The following PLD1 variants were observed in gnomAD, a reference collection of about 807,000 sequenced individuals.
PLD1 encodes phospholipase D1, also known as choline phosphatase 1.
In PLD1, 112 loss-of-function variants were observed where a neutral mutation model predicts 137.1. The ratio of observed to expected loss-of-function variants is 0.82; its 90% CI spans 0.70 to 0.96. The LOEUF is 0.96. Ranked by LOEUF, PLD1 falls within the 40% of genes least tolerant of loss-of-function variation. PLD1 has a pLI of 0.00. For synonymous variants in PLD1, 431 were observed against 454.7 expected (o/e 0.95, Z 0.66); for missense variants, 1,321 against 1,342.0 (o/e 0.98, Z 0.24).
chr3:171,681,127 GT>G (rs991393134), intron 16 of PLD1, among the ~76,000 whole-genome samples: 3 of 152,166 alleles, frequency 2.0e-5, no homozygotes, highest in Non-Finnish European at 4.4e-5. Flanking sequence ...CAATTCAAAT[GT>G]TTTTTCATAG....
chr3:171,640,173 A>G (rs1046579112), intron 23 of PLD1, among the ~76,000 whole-genome samples: 2 of 150,434 alleles, frequency 1.3e-5, no homozygotes, highest in Non-Finnish European at 3.0e-5. Context: ...TTCCCCTCCA[A>G]TCTCTGTTAT....
At chr3:171,805,639 A>G (rs761830117) in intron 1 of PLD1, among the ~76,000 whole-genome samples, 5 of 152,226 alleles carry the variant, frequency 3.3e-5, no homozygotes, top group Admixed American at 6.5e-5. Flanking sequence ...TTTCCGAAAA[A>G]TAAAGGACTT....
intron 21 of PLD1, among the ~76,000 whole-genome samples, chr3:171,650,919 T>C (rs1413749124): frequency 1.3e-5 from 2 of 152,000 alleles, no homozygotes; most frequent in Non-Finnish European, 2.9e-5. Context: ...AAAAAATTAA[T>C]TTTAAAATTT....
At chr3:171,611,449 C>T in intron 25 of PLD1, 1 of 367,158 alleles carries the variant, frequency 2.7e-6, no homozygotes, top group South Asian at 2.1e-5. Context: ...GGGACGTGGA[C>T]AGTTACAGCG....
At position 171,623,312 on chromosome 3, in the gene PLD1, A is replaced by ATTTTTTTTTTTTTTTTTTTTTTT. The variant is rs760981558; in HGVS notation, c.2594-2793_2594-2792insAAAAAAAAAAAAAAAAAAAAAAA. Among the ~76,000 whole-genome samples the ATTTTTTTTTTTTTTTTTTTTTTT allele has an allele frequency of 1.4e-5, 2 of 138,964 alleles. 1 individual carries two copies. 91.2% of individuals were successfully genotyped at this position (138,964 alleles called of 152,430 possible). The stretch of plus-strand genomic sequence containing the variant: ...AGCTATGAGTCATTAGCCCTATCAG[A>ATTTTTTTTTTTTTTTTTTTTTTT]CTTTTTTTTTTTTTTTTTTTGAGAT... On this transcript the variant is annotated intron_variant, in intron 23 of 26. Transcript: ENST00000351298.
intron 19 of PLD1, 139 bp downstream of exon 19, chr3:171,674,360 AG>A (rs1713109347): frequency 6.5e-6 from 3 of 461,768 alleles, no homozygotes; most frequent in African/African-American, 4.0e-5. Flanking sequence ...TATAATAACA[AG>A]TATTAAAAGA....
chr3:171,790,464 C>T (rs952125601), intron 1 of PLD1, among the ~76,000 whole-genome samples: 4 of 152,228 alleles, frequency 2.6e-5, no homozygotes, highest in Non-Finnish European at 5.9e-5. Flanking sequence ...TAAAGAATCT[C>T]ACTCTTGTAC....
rs1191749486 is a variant in PLD1 at position 171,735,066 on chromosome 3, C to T, written c.435-96G>A. 7.1e-6 allele frequency: 5 copies of T among 703,880 alleles called. No individual in the cohort carries two copies. The East Asian group carries it at 1.3e-4, about 18-fold the overall frequency. 43.6% of individuals were successfully genotyped at this position (703,880 alleles called of 1,614,324 possible). ...CATGAGACGGCATATTTTTAAGAGA[C>T]TATTTAATTGAAAATATCTACCAAC... On this transcript the variant is annotated intron_variant, in intron 4 of 26. Transcript: ENST00000351298.
At chr3:171,675,770 C>G (rs4600841) in intron 18 of PLD1, among the ~76,000 whole-genome samples, 1 of 152,094 alleles carries the variant, frequency 6.6e-6, no homozygotes. Context: ...TTTTTCCAAA[C>G]GACCAAGGGG....
intron 1 of PLD1, among the ~76,000 whole-genome samples, chr3:171,771,747 T>C (rs1722363264): frequency 1.3e-5 from 2 of 152,342 alleles, no homozygotes; most frequent in East Asian, 1.9e-4. Context: ...GAGGGACATA[T>C]GAAGTTATCA....
intron 1 of PLD1, among the ~76,000 whole-genome samples, chr3:171,777,231 C>T (rs1299491525): frequency 2.6e-5 from 4 of 152,108 alleles, no homozygotes; most frequent in African/African-American, 7.2e-5. Context: ...AATCAGTCAC[C>T]TAAAAACTAG....
chr3:171,656,156 T>TTTTTTTATTTATTTATTTATTTATTTA (rs1553810398), intron 21 of PLD1, among the ~76,000 whole-genome samples: 4 of 145,360 alleles, frequency 2.8e-5, no homozygotes, highest in Non-Finnish European at 6.0e-5. Flanking sequence ...AATACTATAA[T>TTTTTTTATTTATTTATTTATTTATTTA]TTTATTTATT....
rs993018263 is a variant in PLD1, at chr3:171,602,492, G to A, written c.*586C>T. The A allele has an allele frequency of 2.6e-5, 4 of 156,336 alleles. No homozygotes were observed. The South Asian group carries it at 7.8e-4, about 30-fold the overall frequency. 9.7% of individuals were successfully genotyped at this position (156,336 alleles called of 1,614,324 possible). On this transcript the variant is annotated 3_prime_UTR_variant, in exon 27 of 27. Transcript: ENST00000351298. ...CAGTCTACTGTGTAGGCTAAAGTCT[G>A]CCGTGTTCGTACAGTGACTGAAAAG...
chr3:171,663,715 G>A, intron 19 of PLD1, among the ~76,000 whole-genome samples: 1 of 152,160 alleles, frequency 6.6e-6, no homozygotes, highest in East Asian at 1.9e-4. Flanking sequence ...TTGGCATATA[G>A]TAGGTGCTTA....
intron 8 of PLD1, among the ~76,000 whole-genome samples, chr3:171,718,565 A>G (rs1018224288): frequency 1.3e-5 from 2 of 152,210 alleles, no homozygotes; most frequent in Non-Finnish European, 2.9e-5. Flanking sequence ...GATGCAGAGC[A>G]TCTCAACAAG....
intron 24 of PLD1, among the ~76,000 whole-genome samples, chr3:171,614,108 A>G (rs1419313517): frequency 1.3e-5 from 2 of 152,130 alleles, no homozygotes; most frequent in African/African-American, 2.4e-5. Context: ...TTGCCAGAAT[A>G]TTGTCATGTG....
At chr3:171,803,950 T>C (rs1441087185) in intron 1 of PLD1, among the ~76,000 whole-genome samples, 1 of 152,224 alleles carries the variant, frequency 6.6e-6, no homozygotes, top group African/African-American at 2.4e-5. Flanking sequence ...ATCACAGTGA[T>C]GTTAGTGCCA....
At chr3:171,648,997 GCTGA>G (rs1457825870) in intron 21 of PLD1, among the ~76,000 whole-genome samples, 1 of 151,906 alleles carries the variant, frequency 6.6e-6, no homozygotes, top group Admixed American at 6.5e-5. Flanking sequence ...TGATATTTAC[GCTGA>G]CTAACAAAAG....
intron 24 of PLD1, among the ~76,000 whole-genome samples, chr3:171,613,483 C>T (rs1732849453): frequency 6.6e-6 from 1 of 152,154 alleles, no homozygotes; most frequent in Non-Finnish European, 1.5e-5. Flanking sequence ...AGTCACATAA[C>T]TGTGAATGTC....
Sources: allele counts gnomAD v4.1 joint callset (sites outside exome capture counted in the v4.1 genomes callset), GRCh38; gene constraint gnomAD v4.1.1; transcripts MANE v1.5; gene names NCBI Gene and HGNC (gene_info 2026-07-23, HGNC 2026-07-21).